DTWD1: variants seen among roughly 807,000 people sequenced by gnomAD.
DTWD1 encodes DTW motif tRNA-uridine aminocarboxypropyltransferase 1.
Under a neutral mutation model 30.2 loss-of-function variants are expected in DTWD1, and 27 were observed. The observed-to-expected ratio is 0.90, with a 90% confidence interval of 0.66 to 1.23. The LOEUF is 1.23. DTWD1 is among the 50% of genes most tolerant of loss of function. The pLI is 0.00. For synonymous variants in DTWD1, 99 were observed against 113.1 expected, an observed-to-expected ratio of 0.88 and a Z score of 0.79; for missense variants, 342 against 348.8, an observed-to-expected ratio of 0.98 and a Z score of 0.15.
At chr15:49,640,387 A>G (rs1276103608) in intron 4 of DTWD1, among the ~76,000 whole-genome samples, 2 of 152,068 alleles carry the variant, frequency 1.3e-5, no homozygotes, top group Admixed American at 6.6e-5. Context: ...AGTTTTTCCT[A>G]TTGCAAATAA....
At chr15:49,641,204 T>C (rs1032621187) in intron 4 of DTWD1, among the ~76,000 whole-genome samples, 11 of 152,030 alleles carry the variant, frequency 7.2e-5, no homozygotes, top group Non-Finnish European at 1.3e-4. Context: ...ATTGAAATAA[T>C]TGGATCTACT....
At chr15:49,621,392 G>A (rs1284382799) in intron 1 of DTWD1, 2 of 151,928 alleles carry the variant, frequency 1.3e-5, no homozygotes, top group African/African-American at 2.4e-5. Context: ...GGTGCATTCC[G>A]CCCCAACGAA....
In DTWD1 at chr15:49,652,722, C is replaced by T. The variant is rs1392422362; in HGVS notation, c.*9144C>T. 1 of 147,872 alleles carries T rather than the reference C, an allele frequency of 6.8e-6. No individual in the cohort carries two copies. The highest frequency in any genetic ancestry group is 1.9e-4 in the East Asian group (1 of 5,168). 9.2% of individuals were successfully genotyped at this position (147,872 alleles called of 1,614,324 possible). ...GGTCTCTTGATTCCTTTAGGAACTG[C>T]TCCCTAAGCATACAGGGAGACATAG... is the stretch of plus-strand genomic sequence containing the variant. On this transcript the variant is annotated 3_prime_UTR_variant, in exon 5 of 5. Transcript: ENST00000403028.
rs113375325 is a variant in DTWD1, at chr15:49,655,192, G to T, written c.*11614G>T. On this transcript the variant is annotated 3_prime_UTR_variant, in exon 5 of 5. Transcript: ENST00000403028. Reference sequence around the variant, plus strand: ...TTCTAACTCAGCTTAGCCATTATCTGCATGCAACCACATAAGTGACCCTGG... The same window carrying T: ...TTCTAACTCAGCTTAGCCATTATCTTCATGCAACCACATAAGTGACCCTGG... 1.3e-5 allele frequency: 2 copies of T among 152,176 alleles called. No individual in the cohort carries two copies. The highest frequency in any genetic ancestry group is 4.8e-5 in the African/African-American group (2 of 41,542). The allele number at this position is 152,176 out of a possible 1,614,324, so 9.4% of individuals were successfully genotyped here. A position where few individuals can be genotyped will look rare whatever the true frequency, so the allele number is the denominator to read the frequency against.
At chr15:49,636,289 C>T (rs977349648) in intron 4 of DTWD1, among the ~76,000 whole-genome samples, 16 of 148,716 alleles carry the variant, frequency 1.1e-4, no homozygotes, top group African/African-American at 4.0e-4. Flanking sequence ...CCATTTTCTA[C>T]TATTTCAAAT....
rs1284926945 is a variant in DTWD1 at position 49,648,018 on chromosome 15, A to G, written c.*4440A>G. 6.6e-6 allele frequency: 1 copy of G among 152,152 alleles called. No individual in the cohort carries two copies. The highest frequency in any genetic ancestry group is 1.5e-5 in the Non-Finnish European group (1 of 68,020). The allele number at this position is 152,152 out of a possible 1,614,324, so 9.4% of individuals were successfully genotyped here. On this transcript the variant is annotated 3_prime_UTR_variant, in exon 5 of 5. Coordinates refer to ENST00000403028, the MANE Select transcript of DTWD1 (RefSeq NM_001144955.2). ...AAGGCCAATCTTAGTTAAAAGTTGT[A>G]AATGCAACCATAGGCTACATGTTAC... is the stretch of plus-strand genomic sequence containing the variant.
chr15:49,644,793 A>G lies in DTWD1; in HGVS notation c.*1215A>G, dbSNP rs1051225034. On this transcript the variant is annotated 3_prime_UTR_variant, in exon 5 of 5. Transcript: ENST00000403028. The stretch of plus-strand genomic sequence containing the variant: ...TTTCACTTAGGGTTGGTAATAGCTT[A>G]CAGTTATTACTAGCCCCAGTATAGT... 6.6e-6 allele frequency: 1 copy of G among 152,146 alleles called. No homozygotes were observed. Among genetic ancestry groups the G allele is most frequent in the Non-Finnish European group, 1.5e-5 (1 of 68,016 alleles). 9.4% of individuals were successfully genotyped at this position (152,146 alleles called of 1,614,324 possible). A position where few individuals can be genotyped will look rare whatever the true frequency, so the allele number is the denominator to read the frequency against.
Position 49,650,408 on chromosome 15 carries a change from T to A in DTWD1, c.*6830T>A, listed in dbSNP as rs745539398. On this transcript the variant is annotated 3_prime_UTR_variant, in exon 5 of 5. Transcript: ENST00000403028. Reference sequence around the variant, plus strand: ...TTAGAATGCTATTTCAGTAGTCCATTTGAGAGATGATATTTGCCTGGACAA... The same window carrying A: ...TTAGAATGCTATTTCAGTAGTCCATATGAGAGATGATATTTGCCTGGACAA... 5 of 152,132 alleles carry A rather than the reference T, an allele frequency of 3.3e-5. No homozygotes were observed. Among genetic ancestry groups the A allele is most frequent in the Admixed American group, 6.5e-5 (1 of 15,272 alleles). 9.4% of individuals were successfully genotyped at this position (152,132 alleles called of 1,614,324 possible). A position where few individuals can be genotyped will look rare whatever the true frequency, so the allele number is the denominator to read the frequency against.
intron 1 of DTWD1, among the ~76,000 whole-genome samples, chr15:49,624,662 ACACT>A (rs1315761435): frequency 3.3e-5 from 5 of 151,786 alleles, no homozygotes; most frequent in Admixed American, 6.6e-5. Context: ...GTACACAGAC[ACACT>A]CACACATATG....
rs1321114582 is a variant in DTWD1 at position 49,627,564 on chromosome 15, A to C, written c.264+2133A>C. 2.0e-5 allele frequency among the ~76,000 whole-genome samples: 3 copies of C among 152,198 alleles called. No homozygotes were observed. The East Asian group carries it at 5.8e-4, about 29-fold the overall frequency. Reference sequence around the variant, plus strand: ...TGCAAACATAATAGAATGTACTTACACAACCTTCATAGTATAGCCTACTAT... The same window carrying C: ...TGCAAACATAATAGAATGTACTTACCCAACCTTCATAGTATAGCCTACTAT... On this transcript the variant is annotated intron_variant, in intron 2 of 4. Coordinates refer to ENST00000403028, the MANE Select transcript of DTWD1 (RefSeq NM_001144955.2).
At chr15:49,625,937 C>T (rs1398929865) in intron 2 of DTWD1, among the ~76,000 whole-genome samples, 3 of 151,954 alleles carry the variant, frequency 2.0e-5, no homozygotes, top group Non-Finnish European at 4.4e-5. Context: ...GGCTTCTGAA[C>T]AAAGAATAAG....
At chr15:49,633,045 A>G (rs777433334) in intron 3 of DTWD1, among the ~76,000 whole-genome samples, 14 of 99,956 alleles carry the variant, frequency 1.4e-4, no homozygotes, top group African/African-American at 4.2e-4. Context: ...ATTTATATCT[A>G]TATCTATATA....
rs1265694284 is a variant in DTWD1, at chr15:49,648,936, A to G, written c.*5358A>G. On this transcript the variant is annotated 3_prime_UTR_variant, in exon 5 of 5. Transcript: ENST00000403028. ...AAGAGATCTCTCAGAAAGTCAAAGAAAATAGGAGGAAAAAAACTTAAGATT... is the reference window on the plus strand; with the variant it reads ...AAGAGATCTCTCAGAAAGTCAAAGAGAATAGGAGGAAAAAAACTTAAGATT... 6.6e-6 allele frequency: 1 copy of G among 152,196 alleles called. No individual in the cohort carries two copies. The allele number at this position is 152,196 out of a possible 1,614,324, so 9.4% of individuals were successfully genotyped here.
Position 49,651,306 on chromosome 15 carries a change from G to T in DTWD1, c.*7728G>T, listed in dbSNP as rs1038565120. ...TCAAGTATGTACATGAACTGTGAAG[G>T]TCTCTGTATTACGTGCAGTGCCCAC... On this transcript the variant is annotated 3_prime_UTR_variant, in exon 5 of 5. Coordinates refer to ENST00000403028, the MANE Select transcript of DTWD1 (RefSeq NM_001144955.2). The T allele has an allele frequency of 6.6e-6, 1 of 152,100 alleles. No individual in the cohort carries two copies. Among genetic ancestry groups the T allele is most frequent in the African/African-American group, 2.4e-5 (1 of 41,412 alleles). The allele number at this position is 152,100 out of a possible 1,614,324, so 9.4% of individuals were successfully genotyped here. A position where few individuals can be genotyped will look rare whatever the true frequency, so the allele number is the denominator to read the frequency against.
chr15:49,629,313 A>T (rs1435989127), intron 2 of DTWD1, among the ~76,000 whole-genome samples: 1 of 152,186 alleles, frequency 6.6e-6, no homozygotes, highest in East Asian at 1.9e-4. Flanking sequence ...ATGCTTGCAG[A>T]CTTTAGTTCA....
intron 4 of DTWD1, among the ~76,000 whole-genome samples, chr15:49,635,324 C>T (rs1216330757): frequency 6.6e-6 from 1 of 152,074 alleles, no homozygotes; most frequent in Non-Finnish European, 1.5e-5. Flanking sequence ...CATGAGCTAC[C>T]ACGTCCAGCC....
At position 49,643,810 on chromosome 15, in the gene DTWD1, C is replaced by T. The variant is rs2079095126; in HGVS notation, c.*232C>T. 1 of 365,450 alleles carries T rather than the reference C, an allele frequency of 2.7e-6. No homozygotes were observed. Among genetic ancestry groups the T allele is most frequent in the Non-Finnish European group, 4.8e-6 (1 of 207,814 alleles). The allele number at this position is 365,450 out of a possible 1,614,324, so 22.6% of individuals were successfully genotyped here. On this transcript the variant is annotated 3_prime_UTR_variant, in exon 5 of 5. Coordinates refer to ENST00000403028, the MANE Select transcript of DTWD1 (RefSeq NM_001144955.2). ...TCAGAAGTTATTTGCTCAGTGAAAC[C>T]TCAGTTTCATTACTACATTTTAATA...
Position 49,643,764 on chromosome 15 carries a change from C to G in DTWD1, c.*186C>G, listed in dbSNP as rs1350599162. ...TATCTGGGGGAATTTTTCAGAGATACTGTTGATTGAAAAACTTACTTCAGA... is the reference window on the plus strand; with the variant it reads ...TATCTGGGGGAATTTTTCAGAGATAGTGTTGATTGAAAAACTTACTTCAGA... On this transcript the variant is annotated 3_prime_UTR_variant, in exon 5 of 5. Coordinates refer to ENST00000403028, the MANE Select transcript of DTWD1 (RefSeq NM_001144955.2). The G allele has an allele frequency of 1.8e-6, 1 of 563,550 alleles. No homozygotes were observed. Among genetic ancestry groups the G allele is most frequent in the African/African-American group, 1.9e-5 (1 of 51,328 alleles). The allele number at this position is 563,550 out of a possible 1,614,324, so 34.9% of individuals were successfully genotyped here. A position where few individuals can be genotyped will look rare whatever the true frequency, so the allele number is the denominator to read the frequency against.
Position 49,649,843 on chromosome 15 carries a change from T to A in DTWD1, c.*6265T>A, listed in dbSNP as rs1414605706. 6.6e-6 allele frequency: 1 copy of A among 152,162 alleles called. No individual in the cohort carries two copies. The highest frequency in any genetic ancestry group is 1.5e-5 in the Non-Finnish European group (1 of 68,036). 9.4% of individuals were successfully genotyped at this position (152,162 alleles called of 1,614,324 possible). ...TTTGAGTGCATACTATGTGTCAAAT[T>A]ATTGTCTAGGTGATGGCTATAGCAT... On this transcript the variant is annotated 3_prime_UTR_variant, in exon 5 of 5. Coordinates refer to ENST00000403028, the MANE Select transcript of DTWD1 (RefSeq NM_001144955.2).
Sources: gnomAD v4.1 joint callset for allele counts (sites outside exome capture counted in the v4.1 genomes callset) on GRCh38, gnomAD v4.1.1 for gene constraint, MANE v1.5 for transcripts, NCBI Gene and HGNC (gene_info 2026-07-23, HGNC 2026-07-21) for gene names.